ARID1B: variants seen among roughly 807,000 people sequenced by gnomAD.
The protein encoded by ARID1B is AT-rich interaction domain 1B.
Under a neutral mutation model 212.3 loss-of-function variants are expected in ARID1B, and 30 were observed. That is an observed-to-expected ratio of 0.14 (90% CI 0.11 to 0.19). The LOEUF (loss-of-function observed/expected upper bound fraction) is 0.19. Among genes scored for constraint, ARID1B ranks in the 10% least tolerant of loss-of-function variants. The pLI, the probability that ARID1B is intolerant of heterozygous loss-of-function variation, is 1.00. For missense variants in ARID1B, 2,891 were observed against 3,204.0 expected (o/e 0.90, Z 2.36); for synonymous variants, 1,402 against 1,301.7 (o/e 1.08, Z -1.66).
intron 2 of ARID1B, among the ~76,000 whole-genome samples, chr6:156,885,127 T>C (rs1787403668): frequency 6.6e-6 from 1 of 152,158 alleles, no homozygotes; most frequent in Non-Finnish European, 1.5e-5. Flanking sequence ...TAAAGTAAAA[T>C]TGGAATATGA....
intron 4 of ARID1B, among the ~76,000 whole-genome samples, chr6:156,961,064 C>T (rs1312844427): frequency 6.6e-6 from 1 of 152,198 alleles, no homozygotes; most frequent in Non-Finnish European, 1.5e-5. Context: ...AGAAATCACC[C>T]TCTTGGGAAA....
chr6:156,839,518 A>T (rs1005905392), intron 2 of ARID1B, among the ~76,000 whole-genome samples: 2 of 152,180 alleles, frequency 1.3e-5, no homozygotes, highest in Non-Finnish European at 2.9e-5. Flanking sequence ...TGGGGAGAGG[A>T]GGAAAGACTA....
intron 2 of ARID1B, among the ~76,000 whole-genome samples, chr6:156,834,123 C>T (rs693903): frequency 0.12 from 17,855 of 152,116 alleles, 1,446 homozygotes; most frequent in Non-Finnish European, 0.18. Context: ...CATGAGAGCT[C>T]TGAAAAGTAA....
At chr6:157,047,361 T>C (rs763639718) in intron 4 of ARID1B, among the ~76,000 whole-genome samples, 28 of 152,150 alleles carry the variant, frequency 1.8e-4, no homozygotes, top group Non-Finnish European at 3.8e-4. Context: ...ATATGCAAAA[T>C]CAGAAGTAGT....
At chr6:157,004,524 G>A (rs1320261003) in intron 4 of ARID1B, among the ~76,000 whole-genome samples, 1 of 152,172 alleles carries the variant, frequency 6.6e-6, no homozygotes, top group East Asian at 1.9e-4. Context: ...CATGGAAGGA[G>A]ATTAAATATT....
chr6:156,819,027 T>C (rs925052409), intron 1 of ARID1B, among the ~76,000 whole-genome samples: 12 of 152,236 alleles, frequency 7.9e-5, no homozygotes, highest in African/African-American at 2.9e-4. Flanking sequence ...AGTGGTAGTG[T>C]TCTTTGTGTA....
At chr6:157,023,133 AT>A (rs1439188886) in intron 4 of ARID1B, 3 of 152,158 alleles carry the variant, frequency 2.0e-5, no homozygotes, top group African/African-American at 7.2e-5. Flanking sequence ...ATTAAGTTGA[AT>A]TTATTATTTA....
At chr6:157,012,963 T>C (rs1267603091) in intron 4 of ARID1B, among the ~76,000 whole-genome samples, 1 of 152,164 alleles carries the variant, frequency 6.6e-6, no homozygotes, top group Non-Finnish European at 1.5e-5. Context: ...CACCGCAACC[T>C]CTGCCTCCTG....
chr6:157,105,704 C>T (rs1464134795), intron 5 of ARID1B, among the ~76,000 whole-genome samples: 2 of 152,064 alleles, frequency 1.3e-5, no homozygotes, highest in Admixed American at 6.5e-5. Context: ...CGGGTTCAAG[C>T]GATTCTCCTG....
intron 2 of ARID1B, among the ~76,000 whole-genome samples, chr6:156,840,655 G>A (rs1783830024): frequency 6.6e-6 from 1 of 152,178 alleles, no homozygotes; most frequent in Non-Finnish European, 1.5e-5. Context: ...CGGTGCCCAG[G>A]TGCTCTGAGA....
rs1340415678 is a variant in ARID1B at position 156,779,088 on chromosome 6, G to A, written c.1408G>A (p.Ala470Thr). 8.2e-7 allele frequency: 1 copy of A among 1,226,044 alleles called. No individual in the cohort carries two copies. The highest frequency in any genetic ancestry group is 3.5e-5 in the South Asian group (1 of 28,876). 75.9% of individuals were successfully genotyped at this position (1,226,044 alleles called of 1,614,324 possible). A position where few individuals can be genotyped will look rare whatever the true frequency, so the allele number is the denominator to read the frequency against. The change falls in exon 1 of 20, where the codon GCC becomes ACC. Residue 470 changes from alanine (A) to threonine (T), a missense_variant. By Grantham distance (58) the Ala-to-Thr change is moderately conservative. Coordinates refer to ENST00000636930, the MANE Select transcript of ARID1B (RefSeq NM_001374828.1). ...GMMMGPGGGGAASLSKAAAGS... is the reference protein window; with the variant it reads ...GMMMGPGGGGTASLSKAAAGS... ...GATGATGGGCCCCGGGGGCGGCGGG[G>A]CCGCGAGCCTCAGCAAGGCGGCCGC... is the stretch of plus-strand genomic sequence containing the variant.
intron 4 of ARID1B, among the ~76,000 whole-genome samples, chr6:156,999,070 G>A (rs1778768224): frequency 6.6e-6 from 1 of 152,188 alleles, no homozygotes; most frequent in Non-Finnish European, 1.5e-5. Context: ...CAAACCTTCT[G>A]GGCCAGTGAC....
intron 2 of ARID1B, among the ~76,000 whole-genome samples, chr6:156,892,082 T>C (rs1329084815): frequency 6.7e-6 from 1 of 148,904 alleles, no homozygotes; most frequent in African/African-American, 2.5e-5. Context: ...GTATTTTTAG[T>C]AGTGACGGGG....
At chr6:156,822,491 A>C (rs1782424727) in intron 1 of ARID1B, among the ~76,000 whole-genome samples, 1 of 152,168 alleles carries the variant, frequency 6.6e-6, no homozygotes, top group East Asian at 1.9e-4. Context: ...GGCATGAGAG[A>C]ATCTCTTTGG....
chr6:156,825,125 G>C (rs1201687990), intron 1 of ARID1B, among the ~76,000 whole-genome samples: 3 of 152,224 alleles, frequency 2.0e-5, no homozygotes, highest in South Asian at 4.1e-4. Context: ...TCAGCCTCCC[G>C]AAGTGCTGGG....
At chr6:157,028,521 G>T (rs2128490434) in intron 4 of ARID1B, among the ~76,000 whole-genome samples, 1 of 152,224 alleles carries the variant, frequency 6.6e-6, no homozygotes, top group East Asian at 1.9e-4. Flanking sequence ...GTGTTGCATT[G>T]GAAAGGCCAA....
intron 4 of ARID1B, among the ~76,000 whole-genome samples, chr6:157,042,616 A>G (rs866932280): frequency 2.0e-5 from 3 of 151,846 alleles, no homozygotes; most frequent in African/African-American, 4.8e-5. Context: ...GATGCAATTT[A>G]TGCTATCATT....
chr6:156,871,876 A>C (rs1015761067), intron 2 of ARID1B, among the ~76,000 whole-genome samples: 1 of 152,086 alleles, frequency 6.6e-6, no homozygotes, highest in Non-Finnish European at 1.5e-5. Context: ...AAGAGCATTC[A>C]CTTCTGGTTT....
Position 156,778,447 on chromosome 6 carries a change from C to T in ARID1B, c.767C>T (p.Pro256Leu), listed in dbSNP as rs2114974722. 2.1e-6 allele frequency: 3 copies of T among 1,411,298 alleles called. No homozygotes were observed. Among genetic ancestry groups the T allele is most frequent in the Non-Finnish European group, 1.8e-6 (2 of 1,091,392 alleles). 87.4% of individuals were successfully genotyped at this position (1,411,298 alleles called of 1,614,324 possible). Residue 256 changes from proline (P) to leucine (L), a missense_variant, in exon 1 of 20, where the codon CCC (proline) becomes CTC (leucine). Transcript: ENST00000636930. ...KDSAAGGQAD[P>L]PGPPLLSKPG... ...AGTGCTGCGGGCGGCCAGGCCGACC[C>T]CCCGGGCCCGCCGCTGCTGAGCAAG... is the stretch of plus-strand genomic sequence containing the variant.
Sources: gnomAD v4.1 joint callset for allele counts (sites outside exome capture counted in the v4.1 genomes callset) on GRCh38, gnomAD v4.1.1 for gene constraint, MANE v1.5 for transcripts, NCBI Gene and HGNC (gene_info 2026-07-23, HGNC 2026-07-21) for gene names.